Variants in RBP5 observed in about 807,000 individuals in gnomAD.
The protein encoded by RBP5 is retinol binding protein 5.
A neutral mutation model predicts 17.8 loss-of-function variants in RBP5; 12 were observed. The observed-to-expected ratio is 0.67, with a 90% CI of 0.43 to 1.09. The LOEUF is 1.09. RBP5 is among the 50% of genes least tolerant of loss of function. The pLI is 0.00. For synonymous variants in RBP5, 64 were observed against 68.1 expected, an observed-to-expected ratio of 0.94 and a Z score of 0.30; for missense variants, 172 against 169.4, an observed-to-expected ratio of 1.02 and a Z score of -0.09.
intron 2 of RBP5, among the ~76,000 whole-genome samples, chr12:7,125,087 A>G (rs2135782368): frequency 6.6e-6 from 1 of 152,218 alleles, no homozygotes; most frequent in East Asian, 1.9e-4. Flanking sequence ...TTGTATTTTT[A>G]GTAGAGACAG....
Position 7,128,855 on chromosome 12 carries a change from G to GA in RBP5, c.-81dup. ...TGTTGTCTGGCAGGTGAGGCTGAGA[G>GA]ATTCCAGCCAGCTCCACACACAGAG... is the stretch of plus-strand genomic sequence containing the variant. On this transcript the variant is annotated 5_prime_UTR_variant, in exon 1 of 4. Coordinates refer to ENST00000266560, the MANE Select transcript of RBP5 (RefSeq NM_031491.4). The surrounding 1 kb of genome is among the most constrained non-coding windows in gnomAD (Gnocchi z 5.3). The GA allele has an allele frequency of 8.9e-7, 1 of 1,127,944 alleles. No homozygotes were observed. The allele number at this position is 1,127,944 out of a possible 1,614,324, so 69.9% of individuals were successfully genotyped here.
intron 2 of RBP5, chr12:7,127,832 A>ATAGTCC: frequency 3.0e-6 from 2 of 660,894 alleles, no homozygotes; most frequent in Non-Finnish European, 5.5e-6. Flanking sequence ...TAAAGGATTA[A>ATAGTCC]TAGGAGGACT....
In RBP5 at chr12:7,124,136, G is replaced by A. The variant is rs1391494054; in HGVS notation, c.393C>T (p.Phe131=). ...TCCTCTCCGGCTATCTGACCTTCCT[G>A]AAGACCTGCTCGCACACTGCATCCC... ...TARDAVCEQV[F]RKVR The change falls in exon 4 of 4, where the codon TTC becomes TTT. Residue 131 remains phenylalanine, a synonymous_variant. Transcript: ENST00000266560. The surrounding 1 kb of genome is among the most constrained non-coding windows in gnomAD (Gnocchi z 5.3). The A allele has an allele frequency of 6.2e-7, 1 of 1,614,112 alleles. No homozygotes were observed. The highest frequency in any genetic ancestry group is 1.1e-5 in the South Asian group (1 of 91,082).
At chr12:7,118,245 G>A (rs1939030550) in intron 3 of RBP5, 1 of 152,122 alleles carries the variant, frequency 6.6e-6, no homozygotes, top group Non-Finnish European at 1.5e-5. Flanking sequence ...TTTCATTAAG[G>A]GTGACAATAG....
chr12:7,120,880 T>C (rs780258689), downstream of RBP5: 2 of 151,786 alleles, frequency 1.3e-5, no homozygotes, highest in Non-Finnish European at 2.9e-5. Context: ...ACAAAAAAAT[T>C]ACGTGGGCCT....
chr12:7,129,264 C>A, upstream of RBP5: 1 of 209,524 alleles, frequency 4.8e-6, no homozygotes, highest in Non-Finnish European at 9.9e-6. This position sits in a 1 kb window ranked among gnomAD's most constrained non-coding sequence, Gnocchi z 5.5. Flanking sequence ...AGATGAGTTC[C>A]AACAATATCC....
In RBP5 at chr12:7,124,726, A is replaced by G. The variant is rs1450120890; in HGVS notation, c.257T>C (p.Ile86Thr). 5.0e-6 allele frequency: 8 copies of G among 1,597,726 alleles called. No individual in the cohort carries two copies. Among genetic ancestry groups the G allele is most frequent in the South Asian group, 2.2e-5 (2 of 90,708 alleles). ...RSVDGRKCQT[I>T]VTWEEEHLVC... Reference sequence around the variant, plus strand: ...CAGGTGCTCCTCCTCCCAGGTTACTATGGTCTATAGGGGAAAGAGGGAGTA... The same window carrying G: ...CAGGTGCTCCTCCTCCCAGGTTACTGTGGTCTATAGGGGAAAGAGGGAGTA... The change falls in exon 3 of 4, where the codon ATA becomes ACA. Residue 86 changes from isoleucine to threonine, a missense_variant. Physicochemically the swap from Ile to Thr is moderately conservative, Grantham distance 89 (BLOSUM62 -1). Transcript: ENST00000266560. This position sits in a 1 kb window ranked among gnomAD's most constrained non-coding sequence, Gnocchi z 5.3.
Position 7,123,986 on chromosome 12 carries a change from G to T in RBP5, c.*135C>A. The T allele has an allele frequency of 3.8e-6, 3 of 791,154 alleles. No homozygotes were observed. The highest frequency in any genetic ancestry group is 6.6e-6 in the Non-Finnish European group (3 of 454,028). The allele number at this position is 791,154 out of a possible 1,614,324, so 49.0% of individuals were successfully genotyped here. A position where few individuals can be genotyped will look rare whatever the true frequency, so the allele number is the denominator to read the frequency against. ...AAGTTACAGATTAACACGGGGAGGG[G>T]TGAGGAGGGACCCAGAGGGAGGAAA... is the stretch of plus-strand genomic sequence containing the variant. On this transcript the variant is annotated 3_prime_UTR_variant, in exon 4 of 4. Coordinates refer to ENST00000266560, the MANE Select transcript of RBP5 (RefSeq NM_031491.4).
chr12:7,119,240 G>C (rs1380039782), downstream of RBP5, among the ~76,000 whole-genome samples: 1 of 152,016 alleles, frequency 6.6e-6, no homozygotes, highest in Admixed American at 6.5e-5. Context: ...GGGGTGGATG[G>C]AGCTGATGAC....
chr12:7,125,942 G>A (rs10772367), intron 2 of RBP5, among the ~76,000 whole-genome samples: 13 of 151,862 alleles, frequency 8.6e-5, no homozygotes, highest in South Asian at 2.1e-4. Context: ...AGGGTTAAGC[G>A]TGAGAACCAG....
upstream of RBP5, chr12:7,129,196 GC>G (rs1242772280): frequency 3.9e-6 from 1 of 256,076 alleles, no homozygotes; most frequent in African/African-American, 2.2e-5. The surrounding 1 kb of genome is among the most constrained non-coding windows in gnomAD (Gnocchi z 5.5). Flanking sequence ...CCGTCCCAGG[GC>G]CTGAGGGGCA....
At position 7,124,325 on chromosome 12, in the gene RBP5, C is replaced by T. The variant is rs1298598501; in HGVS notation, c.355-151G>A. 4 of 726,170 alleles carry T rather than the reference C, an allele frequency of 5.5e-6. No homozygotes were observed. Among genetic ancestry groups the T allele is most frequent in the African/African-American group, 5.2e-5 (3 of 57,278 alleles). The allele number at this position is 726,170 out of a possible 1,614,324, so 45.0% of individuals were successfully genotyped here. A position where few individuals can be genotyped will look rare whatever the true frequency, so the allele number is the denominator to read the frequency against. On this transcript the variant is annotated intron_variant, in intron 3 of 3. Coordinates refer to ENST00000266560, the MANE Select transcript of RBP5 (RefSeq NM_031491.4). The surrounding 1 kb of genome is among the most constrained non-coding windows in gnomAD (Gnocchi z 5.3). ...GGCAATTGTATCATTATTCCACATC[C>T]TCAACTTTCCACCCCTCAGGAAGGA... is the stretch of plus-strand genomic sequence containing the variant.
At chr12:7,127,500 A>C (rs954821953) in intron 2 of RBP5, 4 of 597,524 alleles carry the variant, frequency 6.7e-6, no homozygotes, top group African/African-American at 1.9e-5. Flanking sequence ...CTCTGTAAAT[A>C]GTTGCTATAC....
rs1397511710 is a variant in RBP5 at position 7,128,017 on chromosome 12, C to T, written c.252+223G>A. Among the ~76,000 whole-genome samples the T allele has an allele frequency of 6.6e-6, 1 of 152,226 alleles. No homozygotes were observed. Among genetic ancestry groups the T allele is most frequent in the African/African-American group, 2.4e-5 (1 of 41,464 alleles). On this transcript the variant is annotated intron_variant, in intron 2 of 3. Coordinates refer to ENST00000266560, the MANE Select transcript of RBP5 (RefSeq NM_031491.4). This position sits in a 1 kb window ranked among gnomAD's most constrained non-coding sequence, Gnocchi z 5.3. ...GTTGGCCTGTTCTTTGCCCTTTGGGCTGGTGATAAGAGGGGGCAGGGAAGA... is the reference window on the plus strand; with the variant it reads ...GTTGGCCTGTTCTTTGCCCTTTGGGTTGGTGATAAGAGGGGGCAGGGAAGA...
Position 7,128,804 on chromosome 12 carries a change from A to G in RBP5, c.-29T>C. The G allele has an allele frequency of 4.5e-6, 7 of 1,557,056 alleles. No homozygotes were observed. The highest frequency in any genetic ancestry group is 6.1e-6 in the Non-Finnish European group (7 of 1,142,208). ...GTGGATGAAGGTTTCAGGAGAATGC[A>G]GGAGACAGGGTGAGGAAGGAGGGGG... On this transcript the variant is annotated 5_prime_UTR_variant, in exon 1 of 4. Coordinates refer to ENST00000266560, the MANE Select transcript of RBP5 (RefSeq NM_031491.4). This position sits in a 1 kb window ranked among gnomAD's most constrained non-coding sequence, Gnocchi z 5.3.
chr12:7,128,543 C>T lies in RBP5; in HGVS notation c.74-125G>A. On this transcript the variant is annotated intron_variant, in intron 1 of 3. Transcript: ENST00000266560. The surrounding 1 kb of genome is among the most constrained non-coding windows in gnomAD (Gnocchi z 5.3). ...GGGACTGTGGATTCACCCCCTCCTACCAATGCCTGGTTAGAAATGGATCCC... is the reference window on the plus strand; with the variant it reads ...GGGACTGTGGATTCACCCCCTCCTATCAATGCCTGGTTAGAAATGGATCCC... 1.7e-6 allele frequency: 2 copies of T among 1,210,646 alleles called. No individual in the cohort carries two copies. The highest frequency in any genetic ancestry group is 4.0e-5 in the Admixed American group (2 of 50,452). The allele number at this position is 1,210,646 out of a possible 1,614,324, so 75.0% of individuals were successfully genotyped here.
chr12:7,125,355 G>T (rs1240508016), intron 2 of RBP5, among the ~76,000 whole-genome samples: 1 of 152,188 alleles, frequency 6.6e-6, no homozygotes, highest in Non-Finnish European at 1.5e-5. Context: ...ACTTCTGGCT[G>T]ACCTAGAGGG....
chr12:7,126,510 GGTGTGTGTGTGTGTGT>G (rs780320410), intron 2 of RBP5, among the ~76,000 whole-genome samples: 15 of 131,022 alleles, frequency 1.1e-4, no homozygotes, highest in African/African-American at 3.7e-4. Flanking sequence ...TGGTGGTGGT[GGTGTGTGTGTGTGTGT>G]GTGTGTGTGT....
At chr12:7,119,905 C>A (rs1939056686), downstream of RBP5, among the ~76,000 whole-genome samples, 1 of 152,218 alleles carries the variant, frequency 6.6e-6, no homozygotes, top group African/African-American at 2.4e-5. Context: ...TCATGCCTGG[C>A]CACTATGCAG....
Sources: allele counts gnomAD v4.1 joint callset (sites outside exome capture counted in the v4.1 genomes callset), GRCh38; gene constraint gnomAD v4.1.1; non-coding constraint Gnocchi (gnomAD v3.1); transcripts MANE v1.5; gene names NCBI Gene and HGNC (gene_info 2026-07-23, HGNC 2026-07-21).